PHTF1: variants seen among roughly 807,000 people sequenced by gnomAD.
The protein encoded by PHTF1 is protein PHTF1.
Under a neutral mutation model 102.4 loss-of-function variants are expected in PHTF1, and 88 were observed. The ratio of observed to expected loss-of-function variants is 0.86; its 90% CI spans 0.72 to 1.03. PHTF1 has a LOEUF of 1.03. PHTF1 is among the 50% of genes least tolerant of loss of function. The probability of loss-of-function intolerance (pLI) is 0.00; values close to 1 mark genes in which losing one functional copy is unlikely to be tolerated. For synonymous variants in PHTF1, 289 were observed against 305.2 expected (o/e 0.95, Z 0.55); for missense variants, 814 against 909.5 (o/e 0.89, Z 1.35).
At position 113,706,704 on chromosome 1, in the gene PHTF1, G is replaced by A; in HGVS notation, c.1288C>T (p.Gln430Ter). 6.2e-7 allele frequency: 1 copy of A among 1,606,178 alleles called. No individual in the cohort carries two copies. The highest frequency in any genetic ancestry group is 8.5e-7 in the Non-Finnish European group (1 of 1,175,860). ...VFQQNHLFWLQNSSPSSDRVS... is the reference protein window; with the variant it reads ...VFQQNHLFWL ...CGATCAGAGGAAGGACTTGAATTCT[G>A]AAGCCAGAATAAATGATTCTGAGAA... Residue 430 changes from glutamine to a stop codon, truncating the protein, a stop_gained, in exon 12 of 19, where the codon CAG (glutamine) becomes TAG (stop). Transcript: ENST00000369604. LOFTEE classifies it high-confidence loss of function.
Position 113,710,481 on chromosome 1 carries a change from A to C in PHTF1, c.1048-6T>G, listed in dbSNP as rs1650905116. The C allele has an allele frequency of 1.0e-5, 16 of 1,602,520 alleles. No individual in the cohort carries two copies. Among genetic ancestry groups the C allele is most frequent in the Non-Finnish European group, 1.3e-5 (15 of 1,172,960 alleles). Reference sequence around the variant, plus strand: ...CTCACACCCGATCTAGAGCCCTTTAAAGGAAAACAAAAAGCAAAAAATGTT... The same window carrying C: ...CTCACACCCGATCTAGAGCCCTTTACAGGAAAACAAAAAGCAAAAAATGTT... On this transcript the variant is annotated splice_polypyrimidine_tract_variant and splice_region_variant and intron_variant, in intron 10 of 18. Transcript: ENST00000369604.
intron 10 of PHTF1, 56 bp from the exon 11 acceptor site, chr1:113,710,531 G>A: frequency 1.5e-6 from 2 of 1,334,048 alleles, no homozygotes; most frequent in South Asian, 2.4e-5. Context: ...ATAATTACAT[G>A]TGAAATAAAA....
chr1:113,704,641 C>T, intron 14 of PHTF1, 25 bp downstream of exon 14: 1 of 1,541,884 alleles, frequency 6.5e-7, no homozygotes, highest in Non-Finnish European at 8.8e-7. Context: ...TGCACATACT[C>T]TATTGTTAAT....
intron 5 of PHTF1, among the ~76,000 whole-genome samples, chr1:113,727,097 G>C (rs937644913): frequency 3.3e-5 from 5 of 151,766 alleles, no homozygotes; most frequent in African/African-American, 1.2e-4. Flanking sequence ...AATGTTTAAA[G>C]AAGTAAATGA....
chr1:113,731,869 C>G (rs1418820349), intron 5 of PHTF1, among the ~76,000 whole-genome samples: 2 of 147,908 alleles, frequency 1.4e-5, no homozygotes, highest in Non-Finnish European at 3.0e-5. Flanking sequence ...TGCACTCCAG[C>G]CTGGGCAACA....
chr1:113,712,873 A>G (rs12760067), intron 8 of PHTF1, among the ~76,000 whole-genome samples: 112,941 of 150,396 alleles, frequency 0.75, 42,796 homozygotes, highest in African/African-American at 0.83. Context: ...TGCAAGCTCC[A>G]CCTCCCAGGT....
chr1:113,707,294 T>G (rs187055818), intron 11 of PHTF1, among the ~76,000 whole-genome samples: 28 of 152,282 alleles, frequency 1.8e-4, no homozygotes, highest in African/African-American at 6.7e-4. Context: ...ACAAAATTAG[T>G]GAGGCTTAGA....
intron 17 of PHTF1, 48 bp from the exon 18 acceptor site, chr1:113,698,435 G>A (rs1341259866): frequency 3.9e-6 from 6 of 1,557,690 alleles, no homozygotes; most frequent in Admixed American, 3.4e-5. Context: ...TTTTCTCATA[G>A]CTACTCAGTG....
chr1:113,742,961 G>T (rs1656651164), intron 3 of PHTF1, among the ~76,000 whole-genome samples: 1 of 152,002 alleles, frequency 6.6e-6, no homozygotes. Context: ...AGCCTCCCAA[G>T]GAGTTTTTTG....
intron 3 of PHTF1, among the ~76,000 whole-genome samples, chr1:113,745,352 C>G (rs540306676): frequency 1.3e-5 from 2 of 152,176 alleles, no homozygotes; most frequent in South Asian, 4.1e-4. Context: ...CTATAAAGAA[C>G]AGATGGAGGG....
rs193189412 is a variant in PHTF1, at chr1:113,699,366, T to C, written c.2142+338A>G. 158 of 429,880 alleles carry C rather than the reference T, an allele frequency of 3.7e-4. 2 individuals carry two copies. Among genetic ancestry groups the C allele is most frequent in the African/African-American group, 2.7e-3 (133 of 50,108 alleles). The allele number at this position is 429,880 out of a possible 1,614,324, so 26.6% of individuals were successfully genotyped here. A position where few individuals can be genotyped will look rare whatever the true frequency, so the allele number is the denominator to read the frequency against. On this transcript the variant is annotated intron_variant, in intron 17 of 18. Coordinates refer to ENST00000369604, the MANE Select transcript of PHTF1 (RefSeq NM_001323043.2). ...ACTAACACCCAGACCAACATAGCCG[T>C]TGTAGTCCTCAATGGTGACAAATGC...
intron 2 of PHTF1, 145 bp downstream of exon 2, chr1:113,758,514 C>CTTTTTTTTT (rs200794989): frequency 3.2e-6 from 1 of 315,812 alleles, no homozygotes. Flanking sequence ...CCTTGTACAT[C>CTTTTTTTTT]TTTTTTTTTT....
intron 2 of PHTF1, 84 bp from the exon 3 acceptor site, chr1:113,757,839 C>A: frequency 1.2e-6 from 1 of 860,032 alleles, no homozygotes; most frequent in South Asian, 1.4e-5. Context: ...AGTCATGAGC[C>A]TATTAAGTAT....
rs1313178742 is a variant in PHTF1, at chr1:113,701,486, G to C, written c.1891-537C>G. ...TTAAATTTGTTGATTTAAAAGTAAA[G>C]AAATTTACTCAAGCCCAAAGTAAGA... On this transcript the variant is annotated intron_variant, in intron 15 of 18. Coordinates refer to ENST00000369604, the MANE Select transcript of PHTF1 (RefSeq NM_001323043.2). 2.0e-5 allele frequency among the ~76,000 whole-genome samples: 3 copies of C among 152,090 alleles called. No individual in the cohort carries two copies. The South Asian group carries it at 6.2e-4, about 32-fold the overall frequency.
intron 11 of PHTF1, 54 bp from the exon 12 acceptor site, chr1:113,706,776 T>G: frequency 2.2e-6 from 3 of 1,371,646 alleles, no homozygotes; most frequent in Non-Finnish European, 3.0e-6. Context: ...CCTCCATTAG[T>G]TTTTCTTTCC....
chr1:113,719,532 C>G (rs1004304466), intron 7 of PHTF1, among the ~76,000 whole-genome samples: 1 of 152,188 alleles, frequency 6.6e-6, no homozygotes, highest in Admixed American at 6.5e-5. Flanking sequence ...TAAAACATAA[C>G]AAGAGTCACC....
At chr1:113,737,548 C>T (rs1022468575) in intron 5 of PHTF1, among the ~76,000 whole-genome samples, 1 of 152,144 alleles carries the variant, frequency 6.6e-6, no homozygotes, top group Non-Finnish European at 1.5e-5. Context: ...TCAGGCTAAA[C>T]GTGGTGGCTC....
chr1:113,721,929 C>G (rs551120293), intron 7 of PHTF1, among the ~76,000 whole-genome samples: 155 of 151,708 alleles, frequency 1.0e-3, no homozygotes, highest in Middle Eastern at 3.4e-3. Context: ...CTCCTGACCT[C>G]GTGATCCGCC....
rs34844793 is a variant in PHTF1, at chr1:113,701,826, T to TAAAAAAAAAAAAAAA, written c.1891-892_1891-878dup. On this transcript the variant is annotated intron_variant, in intron 15 of 18. Transcript: ENST00000369604. ...TGGCAACCTGGAATTCAATTCCTGG[T>TAAAAAAAAAAAAAAA]AAAAAAAAAAAAAAAAAAAAAAAAA... 3.7e-3 allele frequency among the ~76,000 whole-genome samples: 104 copies of TAAAAAAAAAAAAAAA among 27,984 alleles called. 4 individuals are homozygous for TAAAAAAAAAAAAAAA. The highest frequency in any genetic ancestry group is 5.3e-3 in the Non-Finnish European group (80 of 15,194). 18.4% of individuals were successfully genotyped at this position (27,984 alleles called of 152,430 possible).
Sources: gnomAD v4.1 joint callset for allele counts (sites outside exome capture counted in the v4.1 genomes callset) on GRCh38, gnomAD v4.1.1 for gene constraint, MANE v1.5 for transcripts, NCBI Gene and HGNC (gene_info 2026-07-23, HGNC 2026-07-21) for gene names.